The following ZFP64 variants were observed in gnomAD, a reference collection of about 807,000 sequenced individuals.
ZFP64 encodes the protein ZFP64 zinc finger protein.
In ZFP64, 14 loss-of-function variants were observed where a neutral mutation model predicts 51.6. The ratio of observed to expected loss-of-function variants is 0.27; its 90% CI spans 0.18 to 0.42. The LOEUF is 0.42. ZFP64 is among the 10% of genes least tolerant of loss of function. ZFP64 has a pLI of 1.00. For missense variants in ZFP64, 754 were observed against 906.8 expected (o/e 0.83, Z 2.16); for synonymous variants, 375 against 361.4 (o/e 1.04, Z -0.43).
At chr20:52,112,614 C>CTTTTTT (rs138459074) in intron 5 of ZFP64, among the ~76,000 whole-genome samples, 1 of 134,410 alleles carries the variant, frequency 7.4e-6, no homozygotes. Context: ...GTTCTCCTTC[C>CTTTTTT]TTTTTTTTTT....
intron 2 of ZFP64, among the ~76,000 whole-genome samples, chr20:52,166,731 A>T (rs1039859065): frequency 3.0e-4 from 45 of 152,078 alleles, no homozygotes; most frequent in African/African-American, 9.9e-4. Context: ...GTTAACTACC[A>T]TGCCTGCCCT....
intron 5 of ZFP64, among the ~76,000 whole-genome samples, chr20:52,116,308 G>C (rs1031641009): frequency 6.6e-6 from 1 of 151,538 alleles, no homozygotes; most frequent in Non-Finnish European, 1.5e-5. Flanking sequence ...GCTTATTTTT[G>C]TATTTTTAGT....
At chr20:52,096,841 A>T in intron 7 of ZFP64, 1 of 292,084 alleles carries the variant, frequency 3.4e-6, no homozygotes, top group East Asian at 7.8e-5. Flanking sequence ...ATGAACTGAG[A>T]TTGCACCACT....
intron 5 of ZFP64, among the ~76,000 whole-genome samples, chr20:52,136,029 G>C (rs1326659410): frequency 6.8e-6 from 1 of 146,686 alleles, no homozygotes; most frequent in East Asian, 2.1e-4. Flanking sequence ...AATCAGGGAG[G>C]TGGAGGTTGC....
chr20:52,091,833 CA>C (rs36033433), intron 7 of ZFP64, among the ~76,000 whole-genome samples: 1 of 114,392 alleles, frequency 8.7e-6, no homozygotes. Flanking sequence ...ACTAAAAATA[CA>C]AAAAAATTAG....
chr20:52,144,596 A>AAAAAAAAAAAAAG (rs1980429339), intron 5 of ZFP64, among the ~76,000 whole-genome samples: 1 of 148,980 alleles, frequency 6.7e-6, no homozygotes, highest in Non-Finnish European at 1.5e-5. Context: ...AAAAAAAAAA[A>AAAAAAAAAAAAAG]AAAAAATGCT....
chr20:52,131,756 C>T (rs577208070), intron 5 of ZFP64, among the ~76,000 whole-genome samples: 3 of 152,088 alleles, frequency 2.0e-5, no homozygotes, highest in Non-Finnish European at 4.4e-5. Flanking sequence ...GAGTTAGGCC[C>T]TAATACAATA....
In ZFP64 at chr20:52,085,042, G is replaced by C. The variant is rs1410205357; in HGVS notation, c.1453C>G (p.His485Asp). ...TGGTCGGCCTGGTGCAGCCGGCTGT[G>C]CTCCAGGAGGTCAGCCCGGTCCCGG... Residue 485 changes from histidine (H) to aspartate (D), a missense_variant, in exon 9 of 9, where the codon CAC (histidine) becomes GAC (aspartate). Physicochemically the swap from His to Asp is moderately conservative, Grantham distance 81. Transcript: ENST00000361387. The surrounding 1 kb of genome is among the most constrained non-coding windows in gnomAD (Gnocchi z 4.3). 6.2e-7 allele frequency: 1 copy of C among 1,614,158 alleles called. No homozygotes were observed.
chr20:52,130,615 A>G (rs1600734689), intron 5 of ZFP64, among the ~76,000 whole-genome samples: 1 of 152,228 alleles, frequency 6.6e-6, no homozygotes, highest in African/African-American at 2.4e-5. Flanking sequence ...TGTTTCCAGA[A>G]CAACATCTAG....
intron 5 of ZFP64, among the ~76,000 whole-genome samples, chr20:52,102,237 G>C (rs114279338): frequency 6.6e-6 from 1 of 151,952 alleles, no homozygotes; most frequent in African/African-American, 2.4e-5. Flanking sequence ...ACAGCTCACA[G>C]CCAGTGGTTC....
chr20:52,151,839 G>A lies in ZFP64; in HGVS notation c.*307C>T, dbSNP rs1250861977. On this transcript the variant is annotated 3_prime_UTR_variant, in exon 6 of 6. Transcript: ENST00000216923. ...GGCTGAGGTGGGCAGATCACTTGAG[G>A]TCAGGAGTTCAACATGATGAAACCC... 1 of 1,044,390 alleles carries A rather than the reference G, an allele frequency of 9.6e-7. No individual in the cohort carries two copies. The highest frequency in any genetic ancestry group is 1.2e-6 in the Non-Finnish European group (1 of 836,116). 64.7% of individuals were successfully genotyped at this position (1,044,390 alleles called of 1,614,324 possible). A position where few individuals can be genotyped will look rare whatever the true frequency, so the allele number is the denominator to read the frequency against.
At position 52,104,471 on chromosome 20, in the gene ZFP64, G is replaced by C. The variant is rs559539996; in HGVS notation, c.764-5884C>G. On this transcript the variant is annotated intron_variant, in intron 5 of 8. Transcript: ENST00000361387. ...GCATCACTGCTCTATCCCCACCACG[G>C]CTCCCACTTCGCTCAGATAAAATGC... Among the ~76,000 whole-genome samples, 483 of 152,260 alleles carry C rather than the reference G, an allele frequency of 3.2e-3. 3 individuals carry two copies. The highest frequency in any genetic ancestry group is 0.011 in the African/African-American group (449 of 41,538).
At position 52,152,893 on chromosome 20, in the gene ZFP64, G is replaced by A. The variant is rs2122957909; in HGVS notation, c.1299C>T (p.Ser433=). The A allele has an allele frequency of 6.2e-7, 1 of 1,614,106 alleles. No individual in the cohort carries two copies. The highest frequency in any genetic ancestry group is 1.6e-4 in the Middle Eastern group (1 of 6,062). Residue 433 remains serine (S), a synonymous_variant, in exon 6 of 6, where the codon TCC becomes TCT. Coordinates refer to ENST00000216923, the MANE Select transcript of ZFP64 (RefSeq NM_018197.3). ...KSFHCDICDA[S]FMREDSLRSH... ...TGCGGAGCGAGTCCTCCCGCATGAA[G>A]GAGGCATCGCATATATCGCAGTGGA...
At chr20:52,112,532 CA>C (rs1445398565) in intron 5 of ZFP64, among the ~76,000 whole-genome samples, 1 of 151,924 alleles carries the variant, frequency 6.6e-6, no homozygotes, top group African/African-American at 2.4e-5. Flanking sequence ...GAGAAAGATA[CA>C]AAAACAAAGT....
In ZFP64 at chr20:52,159,540, A is replaced by G. The variant is rs1981600756; in HGVS notation, c.763+583T>C. Among the ~76,000 whole-genome samples, 3 of 152,248 alleles carry G rather than the reference A, an allele frequency of 2.0e-5. No individual in the cohort carries two copies. In the South Asian group the frequency reaches 6.2e-4, roughly 32 times the overall value. ...CCTATTTTACTGAGAAAGGCTCTTCAAGGCAGCTGAAAAGCAAAACTGCAA... is the reference window on the plus strand; with the variant it reads ...CCTATTTTACTGAGAAAGGCTCTTCGAGGCAGCTGAAAAGCAAAACTGCAA... On this transcript the variant is annotated intron_variant, in intron 5 of 5. Transcript: ENST00000216923.
chr20:52,152,999 A>G lies in ZFP64; in HGVS notation c.1193T>C (p.Val398Ala). 6.2e-7 allele frequency: 1 copy of G among 1,613,924 alleles called. No individual in the cohort carries two copies. The highest frequency in any genetic ancestry group is 8.5e-7 in the Non-Finnish European group (1 of 1,180,026). Residue 398 changes from valine to alanine, a missense_variant, in exon 6 of 6, where the codon GTT becomes GCT. By Grantham distance (64) the Val-to-Ala change is moderately conservative. This residue lies in a region of ZFP64 where 428 missense variants were observed against 472.4 expected (regional missense o/e 0.91). Coordinates refer to ENST00000216923, the MANE Select transcript of ZFP64 (RefSeq NM_018197.3). The part of the protein sequence containing the change: ...KHMKKFHGDM[V>A]KTEALERKDT... Reference sequence around the variant, plus strand: ...CTTCCTCTCTAGAGCCTCAGTCTTAACCATGTCCCCATGGAACTTCTTCAT... The same window carrying G: ...CTTCCTCTCTAGAGCCTCAGTCTTAGCCATGTCCCCATGGAACTTCTTCAT...
chr20:52,096,934 C>A, intron 7 of ZFP64: 1 of 411,518 alleles, frequency 2.4e-6, no homozygotes, highest in Middle Eastern at 4.2e-4. Context: ...GCTTTGTGCA[C>A]CCTACAGTCC....
intron 5 of ZFP64, among the ~76,000 whole-genome samples, chr20:52,155,085 AAT>A (rs950720629): frequency 4.5e-4 from 69 of 152,352 alleles, no homozygotes; most frequent in African/African-American, 1.5e-3. Context: ...ATTATATTAA[AAT>A]AGTTATTACA....
chr20:52,107,068 CAG>C (rs1426635682), intron 5 of ZFP64, among the ~76,000 whole-genome samples: 4 of 152,010 alleles, frequency 2.6e-5, no homozygotes, highest in Non-Finnish European at 4.4e-5. Flanking sequence ...GCCTGGGCGA[CAG>C]AGTGAGACTC....
Sources: allele counts gnomAD v4.1 joint callset (sites outside exome capture counted in the v4.1 genomes callset), GRCh38; gene constraint gnomAD v4.1.1; regional missense constraint gnomAD v4.1.1; non-coding constraint Gnocchi (gnomAD v3.1); transcripts MANE v1.5; gene names NCBI Gene and HGNC (gene_info 2026-07-23, HGNC 2026-07-21).